Variants in MCOLN2 observed in about 807,000 individuals in gnomAD.
MCOLN2 encodes mucolipin TRP cation channel 2.
MCOLN2 carries 57 observed loss-of-function variants against 67.5 expected under a neutral mutation model. The ratio of observed to expected loss-of-function variants is 0.84; its 90% CI spans 0.68 to 1.05. The LOEUF (loss-of-function observed/expected upper bound fraction) is 1.05. Among genes scored for constraint, MCOLN2 ranks in the 50% least tolerant of loss-of-function variants. The pLI, the probability that MCOLN2 is intolerant of heterozygous loss-of-function variation, is 0.00. For missense variants in MCOLN2, 620 were observed against 678.8 expected (o/e 0.91, Z 0.96); for synonymous variants, 246 against 233.3 (o/e 1.05, Z -0.50).
intron 1 of MCOLN2, among the ~76,000 whole-genome samples, chr1:84,973,964 C>T (rs916889215): frequency 2.6e-5 from 4 of 152,178 alleles, no homozygotes; most frequent in South Asian, 2.1e-4. Context: ...CCACCTGGTG[C>T]GCAGAGTGCC....
chr1:84,938,275 A>G (rs1647551890), intron 9 of MCOLN2, among the ~76,000 whole-genome samples, 193 bp from the exon 10 acceptor site: 1 of 152,232 alleles, frequency 6.6e-6, no homozygotes, highest in African/African-American at 2.4e-5. Flanking sequence ...ATTTTCTTTT[A>G]GTATTTCAAT....
intron 2 of MCOLN2, among the ~76,000 whole-genome samples, chr1:84,960,904 G>A (rs921351365): frequency 2.0e-5 from 3 of 152,092 alleles, no homozygotes; most frequent in South Asian, 4.1e-4. Context: ...TGCATGGTAC[G>A]GAATAACAAC....
chr1:84,964,778 G>A (rs1026278898), intron 2 of MCOLN2, among the ~76,000 whole-genome samples: 2 of 152,162 alleles, frequency 1.3e-5, no homozygotes, highest in Admixed American at 1.3e-4. Context: ...CGCATGTGCA[G>A]TTAACAATTG....
intron 12 of MCOLN2, among the ~76,000 whole-genome samples, chr1:84,930,659 G>T (rs1661363684): frequency 6.6e-6 from 1 of 152,120 alleles, no homozygotes; most frequent in African/African-American, 2.4e-5. Context: ...GTAGCGGACT[G>T]GGTTTCTTCT....
intron 1 of MCOLN2, among the ~76,000 whole-genome samples, chr1:84,991,716 C>G (rs1399510916): frequency 6.6e-6 from 1 of 152,156 alleles, no homozygotes; most frequent in African/African-American, 2.4e-5. Context: ...CTAAAAATCA[C>G]CTCTGATCAC....
intron 12 of MCOLN2, among the ~76,000 whole-genome samples, chr1:84,930,917 G>A (rs1661373600): frequency 6.6e-6 from 1 of 152,144 alleles, no homozygotes; most frequent in Non-Finnish European, 1.5e-5. Context: ...AGTCACAAAA[G>A]CCTTAGTTTT....
chr1:84,930,883 G>A (rs562464176), intron 12 of MCOLN2, among the ~76,000 whole-genome samples: 1 of 152,290 alleles, frequency 6.6e-6, no homozygotes, highest in South Asian at 2.1e-4. Context: ...CCATCAGGTA[G>A]CTTAAGAAAG....
Position 84,927,193 on chromosome 1 carries a change from TAAAGTA to T in MCOLN2, c.1665-478_1665-473del, listed in dbSNP as rs556554255. The stretch of plus-strand genomic sequence containing the variant: ...CGTTCAGCACATGTATCCCAGAATT[TAAAGTA>T]AAATTAAAAAAAAAAAAAGAAAAAT... On this transcript the variant is annotated intron_variant, in intron 13 of 13. Coordinates refer to ENST00000370608, the MANE Select transcript of MCOLN2 (RefSeq NM_153259.4). Among the ~76,000 whole-genome samples, 357 of 136,478 alleles carry T rather than the reference TAAAGTA, an allele frequency of 2.6e-3. 8 individuals carry two copies. Among genetic ancestry groups the T allele is most frequent in the Admixed American group, 0.026 (333 of 12,832 alleles). 89.5% of individuals were successfully genotyped at this position (136,478 alleles called of 152,430 possible).
rs566783707 is a variant in MCOLN2 at position 84,929,788 on chromosome 1, A to C, written c.1543-109T>G. On this transcript the variant is annotated intron_variant, in intron 12 of 13. Transcript: ENST00000370608. ...TAAAATAAAACTCTCCCACATTGCT[A>C]GCTCAGATCCAAGAACTGATATTTA... The C allele has an allele frequency of 1.5e-4, 154 of 1,054,612 alleles. 1 individual carries two copies. In the African/African-American group the frequency reaches 2.1e-3, roughly 14 times the overall value. 65.3% of individuals were successfully genotyped at this position (1,054,612 alleles called of 1,614,324 possible).
intron 1 of MCOLN2, among the ~76,000 whole-genome samples, chr1:84,969,972 G>A (rs537767569): frequency 1.3e-5 from 2 of 152,228 alleles, no homozygotes; most frequent in African/African-American, 4.8e-5. Context: ...GCGCATTGAG[G>A]GAGGCATTTC....
intron 1 of MCOLN2, among the ~76,000 whole-genome samples, chr1:84,978,621 AC>A (rs1048378861): frequency 5.5e-4 from 83 of 152,268 alleles, no homozygotes; most frequent in African/African-American, 1.9e-3. Flanking sequence ...AAATGGACAC[AC>A]ACAACCTACC....
intron 1 of MCOLN2, among the ~76,000 whole-genome samples, chr1:84,975,041 T>G (rs906016176): frequency 1.3e-5 from 2 of 152,180 alleles, no homozygotes; most frequent in African/African-American, 4.8e-5. Context: ...CTAGGTAGAC[T>G]TCTAAGGTTT....
intron 12 of MCOLN2, among the ~76,000 whole-genome samples, chr1:84,930,719 C>T (rs1382192299): frequency 2.0e-5 from 3 of 152,170 alleles, no homozygotes; most frequent in East Asian, 3.9e-4. Flanking sequence ...GACAAAGGCA[C>T]TGGCATGGCA....
chr1:84,994,940 C>T (rs1175624901), intron 1 of MCOLN2, among the ~76,000 whole-genome samples: 1 of 152,152 alleles, frequency 6.6e-6, no homozygotes, highest in Non-Finnish European at 1.5e-5. Flanking sequence ...CCCTTGCACT[C>T]AAACACTTAG....
intron 10 of MCOLN2, 33 bp downstream of exon 10, chr1:84,937,948 C>T: frequency 6.2e-7 from 1 of 1,613,014 alleles, no homozygotes; most frequent in East Asian, 2.2e-5. Flanking sequence ...TGAGTCTCAA[C>T]TGCAGTGGCA....
chr1:84,994,805 C>A (rs1480963657), intron 1 of MCOLN2, among the ~76,000 whole-genome samples: 1 of 152,212 alleles, frequency 6.6e-6, no homozygotes, highest in African/African-American at 2.4e-5. Flanking sequence ...AAGAACATCT[C>A]ATATGCATTC....
Position 84,952,462 on chromosome 1 carries a change from T to C in MCOLN2, c.634A>G (p.Arg212Gly). 2 of 1,612,492 alleles carry C rather than the reference T, an allele frequency of 1.2e-6. No homozygotes were observed. Among genetic ancestry groups the C allele is most frequent in the East Asian group, 2.2e-5 (1 of 44,862 alleles). The change falls in exon 5 of 14, where the codon AGA becomes GGA. Residue 212 changes from arginine to glycine, a missense_variant. Arg to Gly is a moderately radical substitution (Grantham distance 125). Coordinates refer to ENST00000370608, the MANE Select transcript of MCOLN2 (RefSeq NM_153259.4). Reference sequence around the variant, plus strand: ...TGTATTTACCGATAAAATTCCAGTCTGAAGAATGATGAGTTCTTCCAGTCC... The same window carrying C: ...TGTATTTACCGATAAAATTCCAGTCCGAAGAATGATGAGTTCTTCCAGTCC... ...PPDWKNSSFFRLEFYRLLQVE... is the reference protein window; with the variant it reads ...PPDWKNSSFFGLEFYRLLQVE...
chr1:84,979,327 A>G (rs1453239774), intron 1 of MCOLN2, among the ~76,000 whole-genome samples: 1 of 152,200 alleles, frequency 6.6e-6, no homozygotes, highest in Non-Finnish European at 1.5e-5. Context: ...AACTCATCCT[A>G]TGAGGCCAGT....
chr1:84,964,795 C>T (rs112753656), intron 2 of MCOLN2, among the ~76,000 whole-genome samples: 15 of 152,214 alleles, frequency 9.9e-5, no homozygotes, highest in African/African-American at 3.4e-4. Context: ...ATTGGGTTTG[C>T]GTTCCTATGA....
Sources: allele counts gnomAD v4.1 joint callset (sites outside exome capture counted in the v4.1 genomes callset), GRCh38; gene constraint gnomAD v4.1.1; transcripts MANE v1.5; gene names NCBI Gene and HGNC (gene_info 2026-07-23, HGNC 2026-07-21).